The following STAM variants were observed in gnomAD, a reference collection of about 807,000 sequenced individuals.
STAM encodes signal transducing adaptor molecule.
Under a neutral mutation model 63.4 loss-of-function variants are expected in STAM, and 16 were observed. The observed-to-expected ratio is 0.25, with a 90% CI of 0.17 to 0.38. The LOEUF (loss-of-function observed/expected upper bound fraction) is 0.38. STAM is among the 10% of genes least tolerant of loss of function. The pLI, the probability that STAM is intolerant of heterozygous loss-of-function variation, is 1.00. For missense variants in STAM, 636 were observed against 657.1 expected, an observed-to-expected ratio of 0.97 and a Z score of 0.35; for synonymous variants, 238 against 223.9, an observed-to-expected ratio of 1.06 and a Z score of -0.56.
chr10:17,670,582 A>G (rs1211649092), intron 2 of STAM, among the ~76,000 whole-genome samples: 2 of 152,170 alleles, frequency 1.3e-5, no homozygotes, highest in Non-Finnish European at 2.9e-5. Flanking sequence ...TTTGACTGAA[A>G]TATACCTTAG....
At chr10:17,688,782 A>G (rs1663604513) in intron 5 of STAM, among the ~76,000 whole-genome samples, 1 of 152,128 alleles carries the variant, frequency 6.6e-6, no homozygotes, top group South Asian at 2.1e-4. Flanking sequence ...TTAATAATAT[A>G]CACAAAATAG....
chr10:17,685,040 G>A (rs1276967194), intron 4 of STAM, 113 bp downstream of exon 4: 6 of 772,392 alleles, frequency 7.8e-6, no homozygotes, highest in Non-Finnish European at 1.2e-5. Context: ...TCCTTTCTAG[G>A]CTGTGTCTAT....
chr10:17,661,341 G>A lies in STAM; in HGVS notation c.125+793G>A, dbSNP rs541617956. Among the ~76,000 whole-genome samples the A allele has an allele frequency of 7.2e-5, 11 of 152,276 alleles. No individual in the cohort carries two copies. In the East Asian group the frequency reaches 2.1e-3, roughly 29 times the overall value. On this transcript the variant is annotated intron_variant, in intron 2 of 13. Transcript: ENST00000377524. ...CTGCATTACACTTGATATTTGCAGT[G>A]GTAATATGAAGCCTTTGCCAGTGTC...
At chr10:17,701,596 GAA>G (rs1835999983) in intron 9 of STAM, among the ~76,000 whole-genome samples, 1 of 152,208 alleles carries the variant, frequency 6.6e-6, no homozygotes, top group African/African-American at 2.4e-5. Flanking sequence ...GGCCATTACA[GAA>G]AAAGTTTGCT....
intron 1 of STAM, among the ~76,000 whole-genome samples, chr10:17,658,934 G>T (rs997462375): frequency 2.7e-4 from 41 of 152,106 alleles, no homozygotes; most frequent in Non-Finnish European, 5.9e-4. Flanking sequence ...CATGTAAAGT[G>T]ACTGTTAATA....
At chr10:17,667,604 C>T (rs1834448574) in intron 2 of STAM, among the ~76,000 whole-genome samples, 1 of 152,204 alleles carries the variant, frequency 6.6e-6, no homozygotes, top group Non-Finnish European at 1.5e-5. Context: ...CAGGCATAGC[C>T]TTTGCCGTCA....
chr10:17,702,997 A>C (rs1836071142), intron 9 of STAM, among the ~76,000 whole-genome samples: 1 of 136,306 alleles, frequency 7.3e-6, no homozygotes, highest in Non-Finnish European at 1.6e-5. Context: ...AGACAGAGTA[A>C]GACTCCATCT....
chr10:17,699,103 A>T (rs548833560), intron 8 of STAM, among the ~76,000 whole-genome samples: 28 of 152,314 alleles, frequency 1.8e-4, no homozygotes, highest in African/African-American at 6.7e-4. Context: ...CACAGGCCAG[A>T]TTTCAGTAGT....
chr10:17,685,202 T>G (rs1435284322), intron 4 of STAM, among the ~76,000 whole-genome samples: 2 of 152,260 alleles, frequency 1.3e-5, no homozygotes, highest in African/African-American at 2.4e-5. Context: ...CTATATCTAA[T>G]TAAATAATAT....
rs1836790924 is a variant in STAM at position 17,715,793 on chromosome 10, A to T, written c.*1013A>T. On this transcript the variant is annotated 3_prime_UTR_variant, in exon 14 of 14. Coordinates refer to ENST00000377524, the MANE Select transcript of STAM (RefSeq NM_003473.4). ...TCGAAGTCTCTTGTAATTATTTGGG[A>T]TATCAACAAAATTTGATTCGTCTGT... is the stretch of plus-strand genomic sequence containing the variant. 6.6e-6 allele frequency: 1 copy of T among 152,642 alleles called. No homozygotes were observed. Among genetic ancestry groups the T allele is most frequent in the Non-Finnish European group, 1.5e-5 (1 of 68,028 alleles). 9.5% of individuals were successfully genotyped at this position (152,642 alleles called of 1,614,324 possible).
chr10:17,695,331 C>A, intron 7 of STAM, 90 bp downstream of exon 7: 1 of 1,235,452 alleles, frequency 8.1e-7, no homozygotes, highest in Non-Finnish European at 1.1e-6. Flanking sequence ...TTACCAAATA[C>A]AATAATAAAT....
chr10:17,681,441 C>T lies in STAM; in HGVS notation c.126-3234C>T, dbSNP rs190538549. On this transcript the variant is annotated intron_variant, in intron 2 of 13. Coordinates refer to ENST00000377524, the MANE Select transcript of STAM (RefSeq NM_003473.4). ...TTTTATTCTGTCTTTGGAGAACATG[C>T]TTTCTATGATTTTTTATCTTTTTAA... Among the ~76,000 whole-genome samples, 10 of 151,966 alleles carry T rather than the reference C, an allele frequency of 6.6e-5. No homozygotes were observed. In the East Asian group the frequency reaches 1.9e-3, roughly 29 times the overall value.
At chr10:17,714,488 G>A (rs1554830456) in intron 13 of STAM, 55 bp from the exon 14 acceptor site, 3 of 1,494,308 alleles carry the variant, frequency 2.0e-6, no homozygotes, top group Non-Finnish European at 2.8e-6. Context: ...CCATTTATCT[G>A]TAGTTGCTCT....
chr10:17,656,952 TC>T (rs1833963598), intron 1 of STAM, among the ~76,000 whole-genome samples: 1 of 152,222 alleles, frequency 6.6e-6, no homozygotes, highest in African/African-American at 2.4e-5. Flanking sequence ...CTGTGATTCT[TC>T]CCTTAGAGTG....
At chr10:17,646,884 TAC>T (rs1238233139) in intron 1 of STAM, among the ~76,000 whole-genome samples, 8 of 152,256 alleles carry the variant, frequency 5.3e-5, no homozygotes, top group Admixed American at 2.0e-4. Context: ...ACTCATTTGA[TAC>T]AGTTATTTAT....
chr10:17,681,356 A>G (rs782630045), intron 2 of STAM, among the ~76,000 whole-genome samples: 1 of 151,588 alleles, frequency 6.6e-6, no homozygotes, highest in Non-Finnish European at 1.5e-5. Context: ...CCCATTGGCT[A>G]TTTAGGAGGA....
intron 5 of STAM, among the ~76,000 whole-genome samples, chr10:17,692,430 A>G (rs1411544345): frequency 6.6e-6 from 1 of 152,218 alleles, no homozygotes. Context: ...GTAGAAGTAA[A>G]TGAGTGTGAG....
chr10:17,712,486 CTCTTA>C (rs879973834), intron 13 of STAM, among the ~76,000 whole-genome samples: 1 of 152,184 alleles, frequency 6.6e-6, no homozygotes, highest in Admixed American at 6.5e-5. Context: ...AAATTACCGT[CTCTTA>C]TAATAAATTA....
intron 9 of STAM, among the ~76,000 whole-genome samples, chr10:17,704,101 T>C (rs549202667): frequency 5.3e-5 from 8 of 152,324 alleles, no homozygotes; most frequent in Admixed American, 2.6e-4. Context: ...GGTTGGTTTA[T>C]TTATTTATTT....
Sources: allele counts gnomAD v4.1 joint callset (sites outside exome capture counted in the v4.1 genomes callset), GRCh38; gene constraint gnomAD v4.1.1; transcripts MANE v1.5; gene names NCBI Gene and HGNC (gene_info 2026-07-23, HGNC 2026-07-21).